Variants in WNK4 observed in about 807,000 individuals in gnomAD.
WNK4 encodes the protein serine/threonine-protein kinase WNK4.
Under a neutral mutation model 116.2 loss-of-function variants are expected in WNK4, and 94 were observed. The ratio of observed to expected loss-of-function variants is 0.81; its 90% confidence interval spans 0.68 to 0.96. The LOEUF (loss-of-function observed/expected upper bound fraction) is 0.96. WNK4 is among the 40% of genes least tolerant of loss of function. WNK4 has a pLI of 0.00. For missense variants in WNK4, 1,542 were observed against 1,650.6 expected (o/e 0.93, Z 1.14); for synonymous variants, 655 against 672.7 (o/e 0.97, Z 0.41).
At chr17:42,793,812 T>TG (rs1465946477) in intron 12 of WNK4, 83 bp downstream of exon 12, 13 of 1,560,070 alleles carry the variant, frequency 8.3e-6, no homozygotes, top group Non-Finnish European at 9.7e-6. Context: ...GCGGTCCCCT[T>TG]GGATTTAACT....
Position 42,782,362 on chromosome 17 carries a change from C to T in WNK4, c.619-396C>T, listed in dbSNP as rs561219041. Among the ~76,000 whole-genome samples, 12 of 152,234 alleles carry T rather than the reference C, an allele frequency of 7.9e-5. No homozygotes were observed. Among genetic ancestry groups the T allele is most frequent in the Admixed American group, 2.6e-4 (4 of 15,290 alleles). On this transcript the variant is annotated intron_variant, in intron 1 of 18. Transcript: ENST00000246914. This position sits in a 1 kb window ranked among gnomAD's most constrained non-coding sequence, Gnocchi z 4.2. ...CTGTTTCTGGGGCCAACCCCCTTGC[C>T]GGCCCCAATTCCCTGCCCGCAGTAT...
rs56376863 is a variant in WNK4, at chr17:42,794,785, C to T, written c.2364C>T (p.Ser788=). ...CCTCCTTCCCAGAAGAGCTCCAGAG[C>T]AGCACCTCCCTGGAGCACAGGAGCT... The part of the protein sequence containing the change: ...LPDPSNEELQ[S]STSLEHRSWT... The change falls in exon 14 of 19, where the codon AGC becomes AGT. Residue 788 remains serine (S), a synonymous_variant. Transcript: ENST00000246914. The T allele has an allele frequency of 5.6e-6, 9 of 1,613,940 alleles. No individual in the cohort carries two copies. Among genetic ancestry groups the T allele is most frequent in the Middle Eastern group, 3.3e-4 (2 of 6,084 alleles).
chr17:42,787,702 T>G lies in WNK4; in HGVS notation c.1742-76T>G, dbSNP rs61755593. On this transcript the variant is annotated intron_variant, in intron 7 of 18. Transcript: ENST00000246914. The stretch of plus-strand genomic sequence containing the variant: ...TCTCCCACAGCTCCAGGCCCCTCCT[T>G]GCTTAGGCAGGCCCCATCCTCTGCC... The G allele has an allele frequency of 1.2e-5, 20 of 1,601,456 alleles. No individual in the cohort carries two copies. The African/African-American group carries it at 2.7e-4, about 21-fold the overall frequency.
Position 42,787,269 on chromosome 17 carries a change from C to T in WNK4, c.1477-9C>T. ...AAGCTGTGTTCCTCATCCCCCACCCCAATTCCAGGTGGCTCTGGGCTTGGT... is the reference window on the plus strand; with the variant it reads ...AAGCTGTGTTCCTCATCCCCCACCCTAATTCCAGGTGGCTCTGGGCTTGGT... On this transcript the variant is annotated splice_polypyrimidine_tract_variant and intron_variant, in intron 6 of 18. Transcript: ENST00000246914. 6.2e-7 allele frequency: 1 copy of T among 1,613,714 alleles called. No homozygotes were observed. Among genetic ancestry groups the T allele is most frequent in the Non-Finnish European group, 8.5e-7 (1 of 1,180,030 alleles).
At chr17:42,794,379 C>T (rs927151836) in intron 12 of WNK4, 5 of 578,670 alleles carry the variant, frequency 8.6e-6, no homozygotes, top group African/African-American at 7.5e-5. Flanking sequence ...GTCTCTTCCT[C>T]TCCCCTCTGT....
intron 11 of WNK4, among the ~76,000 whole-genome samples, chr17:42,793,346 G>C (rs1463344122): frequency 2.0e-5 from 3 of 152,162 alleles, no homozygotes; most frequent in Admixed American, 2.0e-4. Context: ...AAGTAGCTGG[G>C]ATTACAGGTG....
In WNK4 at chr17:42,796,023, C is replaced by G. The variant is rs970914081; in HGVS notation, c.3421C>G (p.Leu1141Val). ...DEEFWAELQS[L>V]RQKHLSEVET... Reference sequence around the variant, plus strand: ...GGAGTTCTGGGCTGAGCTGCAGAGTCTTCGGCAGAAGTGAGTCTCGGGAGG... The same window carrying G: ...GGAGTTCTGGGCTGAGCTGCAGAGTGTTCGGCAGAAGTGAGTCTCGGGAGG... The change falls in exon 16 of 19, where the codon CTT (leucine) becomes GTT (valine). Residue 1141 changes from leucine to valine, a missense_variant. Physicochemically the swap from Leu to Val is conservative, Grantham distance 32. Coordinates refer to ENST00000246914, the MANE Select transcript of WNK4 (RefSeq NM_032387.5). 2.5e-6 allele frequency: 4 copies of G among 1,613,794 alleles called. No individual in the cohort carries two copies. In the African/African-American group the frequency reaches 5.3e-5, roughly 22 times the overall value.
Position 42,782,641 on chromosome 17 carries a change from C to T in WNK4, c.619-117C>T. ...CCCACTGGGCAAGTAATCCCATTAA[C>T]CCCACCCCATCTGTGGGCTCCAACC... On this transcript the variant is annotated intron_variant, in intron 1 of 18. Coordinates refer to ENST00000246914, the MANE Select transcript of WNK4 (RefSeq NM_032387.5). This position sits in a 1 kb window ranked among gnomAD's most constrained non-coding sequence, Gnocchi z 4.2. 1.7e-6 allele frequency: 2 copies of T among 1,199,680 alleles called. No individual in the cohort carries two copies. Among genetic ancestry groups the T allele is most frequent in the Non-Finnish European group, 1.2e-6 (1 of 838,220 alleles). 74.3% of individuals were successfully genotyped at this position (1,199,680 alleles called of 1,614,324 possible).
At position 42,796,051 on chromosome 17, in the gene WNK4, G is replaced by A. The variant is rs1360708158; in HGVS notation, c.3431+18G>A. On this transcript the variant is annotated intron_variant, in intron 16 of 18. Transcript: ENST00000246914. ...CGGCAGAAGTGAGTCTCGGGAGGAT[G>A]GAGGAGTGAGAGGAGAACCTGGGAG... 1 of 1,614,026 alleles carries A rather than the reference G, an allele frequency of 6.2e-7. No individual in the cohort carries two copies. Among genetic ancestry groups the A allele is most frequent in the Admixed American group, 1.7e-5 (1 of 60,034 alleles).
chr17:42,787,462 T>TC lies in WNK4; in HGVS notation c.1667dup (p.Glu557Ter), dbSNP rs1246151761. The stretch of plus-strand genomic sequence containing the variant: ...ATGGCCCCCGGTCCCCCCAGTGTCT[T>TC]CCCCCCTGAGCCTGAGGAGCCAGAG... On this transcript the variant is annotated frameshift_variant, in exon 7 of 19. Coordinates refer to ENST00000246914, the MANE Select transcript of WNK4 (RefSeq NM_032387.5). LOFTEE classifies it high-confidence loss of function. The TC allele has an allele frequency of 2.9e-6, 4 of 1,361,450 alleles. No homozygotes were observed. The highest frequency in any genetic ancestry group is 1.5e-5 in the African/African-American group (1 of 66,360). 84.3% of individuals were successfully genotyped at this position (1,361,450 alleles called of 1,614,324 possible).
chr17:42,791,538 C>T (rs2054605995), intron 11 of WNK4, among the ~76,000 whole-genome samples: 1 of 151,934 alleles, frequency 6.6e-6, no homozygotes, highest in Admixed American at 6.6e-5. Context: ...ACTTGGGAGG[C>T]TGAGGCAGGA....
rs776352888 is a variant in WNK4, at chr17:42,784,063, C to T, written c.918C>T (p.Asp306=). The stretch of plus-strand genomic sequence containing the variant: ...TCCTGCACCGGGATCTCAAGTGCGA[C>T]AATGTCTTTATCACGGGACCTACTG... ...PPILHRDLKC[D]NVFITGPTGS... The change falls in exon 3 of 19, where the codon GAC becomes GAT. Residue 306 remains aspartate, a synonymous_variant. Transcript: ENST00000246914. The surrounding 1 kb of genome is among the most constrained non-coding windows in gnomAD (Gnocchi z 4.4). 1.2e-6 allele frequency: 2 copies of T among 1,613,720 alleles called. No individual in the cohort carries two copies. Among genetic ancestry groups the T allele is most frequent in the South Asian group, 1.1e-5 (1 of 91,080 alleles).
chr17:42,783,707 G>A (rs1034380025), intron 2 of WNK4: 10 of 591,996 alleles, frequency 1.7e-5, no homozygotes, highest in Middle Eastern at 4.3e-4. Context: ...CACCTTGGCC[G>A]AGGCCCTATC....
chr17:42,787,441 C>T lies in WNK4; in HGVS notation c.1640C>T (p.Ala547Val), dbSNP rs757547531. Reference sequence around the variant, plus strand: ...CCTCCACCAGCAACTGTGCCCATGGCCCCCGGTCCCCCCAGTGTCTTCCCC... The same window carrying T: ...CCTCCACCAGCAACTGTGCCCATGGTCCCCGGTCCCCCCAGTGTCTTCCCC... ...PGPPPATVPMAPGPPSVFPPE... is the reference protein window; with the variant it reads ...PGPPPATVPMVPGPPSVFPPE... Residue 547 changes from alanine (A) to valine (V), a missense_variant, in exon 7 of 19, where the codon GCC becomes GTC. Transcript: ENST00000246914. The T allele has an allele frequency of 6.2e-7, 1 of 1,613,684 alleles. No individual in the cohort carries two copies. The highest frequency in any genetic ancestry group is 8.5e-7 in the Non-Finnish European group (1 of 1,179,940).
At position 42,796,706 on chromosome 17, in the gene WNK4, T is replaced by C. The variant is rs780577017; in HGVS notation, c.*18T>C. ...TCCAGTGAATTCAGAACAGAAGCCA[T>C]GTATCTCCCCCACACCAGGGCCCAC... On this transcript the variant is annotated 3_prime_UTR_variant, in exon 19 of 19. Transcript: ENST00000246914. 4 of 1,614,076 alleles carry C rather than the reference T, an allele frequency of 2.5e-6. No individual in the cohort carries two copies. The East Asian group carries it at 8.9e-5, about 36-fold the overall frequency.
At chr17:42,786,746 C>T (rs148891991) in intron 6 of WNK4, among the ~76,000 whole-genome samples, 22 of 152,276 alleles carry the variant, frequency 1.4e-4, no homozygotes, top group Non-Finnish European at 2.6e-4. Flanking sequence ...AGACCACCTA[C>T]GGTAGGTCAA....
At chr17:42,794,314 AC>A in intron 12 of WNK4, 1 of 483,900 alleles carries the variant, frequency 2.1e-6, no homozygotes, top group Non-Finnish European at 3.7e-6. Context: ...ACCACTGGAT[AC>A]CCTTTGCCCA....
chr17:42,782,806 G>A lies in WNK4; in HGVS notation c.667G>A (p.Glu223Lys). 6.2e-7 allele frequency: 1 copy of A among 1,614,174 alleles called. No homozygotes were observed. The highest frequency in any genetic ancestry group is 8.5e-7 in the Non-Finnish European group (1 of 1,180,030). The change falls in exon 2 of 19, where the codon GAG (glutamate) becomes AAG (lysine). Residue 223 changes from glutamate to lysine, a missense_variant. Physicochemically the swap from Glu to Lys is moderately conservative, Grantham distance 56. Coordinates refer to ENST00000246914, the MANE Select transcript of WNK4 (RefSeq NM_032387.5). The surrounding 1 kb of genome is among the most constrained non-coding windows in gnomAD (Gnocchi z 4.2). ...AERQRFSEEV[E>K]MLKGLQHPNI... ...GCGGCAGCGCTTCTCAGAGGAGGTG[G>A]AGATGCTCAAGGGGCTGCAGCACCC...
chr17:42,785,579 G>A, intron 6 of WNK4, 97 bp downstream of exon 6: 3 of 1,376,746 alleles, frequency 2.2e-6, no homozygotes, highest in Non-Finnish European at 3.0e-6. Flanking sequence ...GGGTGGCAGC[G>A]ATGGGGGCGG....
Sources: gnomAD v4.1 joint callset for allele counts (sites outside exome capture counted in the v4.1 genomes callset) on GRCh38, gnomAD v4.1.1 for gene constraint, Gnocchi (gnomAD v3.1) non-coding constraint, MANE v1.5 for transcripts, NCBI Gene and HGNC (gene_info 2026-07-23, HGNC 2026-07-21) for gene names.